The following MYLK3 variants were observed in gnomAD, a reference collection of about 807,000 sequenced individuals.
MYLK3 encodes the protein myosin light chain kinase 3, also known as MLC kinase.
In MYLK3, 55 loss-of-function variants were observed where a neutral mutation model predicts 76.3. That is an observed-to-expected ratio of 0.72 (90% CI 0.58 to 0.90). The LOEUF (loss-of-function observed/expected upper bound fraction) is 0.90, where lower values mean the gene tolerates loss of function less well. MYLK3 is among the 40% of genes least tolerant of loss of function. The probability of loss-of-function intolerance (pLI) is 0.00; values close to 1 mark genes in which losing one functional copy is unlikely to be tolerated. For missense variants in MYLK3, 973 were observed against 1,053.6 expected (o/e 0.92, Z 1.06); for synonymous variants, 416 against 425.4 (o/e 0.98, Z 0.27).
chr16:46,734,366 C>T (rs752749202), intron 3 of MYLK3, among the ~76,000 whole-genome samples: 3 of 152,080 alleles, frequency 2.0e-5, no homozygotes, highest in African/African-American at 4.8e-5. Flanking sequence ...GTAATCCCAG[C>T]GCTTTGGGAG....
intron 1 of MYLK3, among the ~76,000 whole-genome samples, chr16:46,742,635 C>T (rs1966952544): frequency 1.3e-5 from 2 of 152,176 alleles, no homozygotes; most frequent in Admixed American, 6.5e-5. Context: ...TACATCATGC[C>T]CCTCCTCTCA....
At chr16:46,752,582 G>T (rs1220175047), upstream of MYLK3, among the ~76,000 whole-genome samples, 1 of 152,004 alleles carries the variant, frequency 6.6e-6, no homozygotes, top group Non-Finnish European at 1.5e-5. Flanking sequence ...AACTTTCCAG[G>T]CTTTATTAAC....
chr16:46,743,503 T>C (rs1298843547), intron 1 of MYLK3, among the ~76,000 whole-genome samples: 1 of 152,166 alleles, frequency 6.6e-6, no homozygotes, highest in African/African-American at 2.4e-5. Flanking sequence ...AGGCTTCCTG[T>C]CAATGGGCCA....
At chr16:46,749,610 G>A (rs547210223), upstream of MYLK3, among the ~76,000 whole-genome samples, 10 of 152,188 alleles carry the variant, frequency 6.6e-5, no homozygotes, top group South Asian at 2.1e-4. Flanking sequence ...TAAGCCAGGC[G>A]TGGTGGCACG....
chr16:46,748,251 G>T lies in MYLK3; in HGVS notation c.-58C>A. ...GAATGAGGAGAGGCACAGACCCCTG[G>T]TTCTCACTCAGGCGGTGGTGTCTGC... On this transcript the variant is annotated 5_prime_UTR_variant, in exon 1 of 13. Coordinates refer to ENST00000394809, the MANE Select transcript of MYLK3 (RefSeq NM_182493.3). This position sits in a 1 kb window ranked among gnomAD's most constrained non-coding sequence, Gnocchi z 4.3. The T allele has an allele frequency of 6.5e-7, 1 of 1,549,538 alleles. No individual in the cohort carries two copies.
intron 9 of MYLK3, among the ~76,000 whole-genome samples, chr16:46,719,491 G>A (rs1966777955): frequency 6.6e-6 from 1 of 152,186 alleles, no homozygotes; most frequent in African/African-American, 2.4e-5. Flanking sequence ...CCAAGGGTCT[G>A]CTACTACCAC....
upstream of MYLK3, among the ~76,000 whole-genome samples, chr16:46,748,696 GA>G (rs1967073197): frequency 6.6e-6 from 1 of 152,198 alleles, no homozygotes; most frequent in Non-Finnish European, 1.5e-5. The surrounding 1 kb of genome is among the most constrained non-coding windows in gnomAD (Gnocchi z 4.3). Context: ...TAAAAAGCAA[GA>G]CCAAGACAGA....
chr16:46,726,173 T>A (rs753321778), intron 8 of MYLK3: 1 of 152,228 alleles, frequency 6.6e-6, no homozygotes, highest in Non-Finnish European at 1.5e-5. Context: ...TTATGTTCCA[T>A]TGGTCTATGT....
intron 1 of MYLK3, among the ~76,000 whole-genome samples, chr16:46,758,266 C>A (rs541719669): frequency 3.0e-4 from 38 of 126,948 alleles, no homozygotes; most frequent in Non-Finnish European, 4.4e-4. Flanking sequence ...CTCTCTCTCT[C>A]CACACACACA....
chr16:46,761,555 G>A (rs952315698), intron 1 of MYLK3, among the ~76,000 whole-genome samples: 3 of 152,252 alleles, frequency 2.0e-5, no homozygotes, highest in Admixed American at 6.5e-5. Flanking sequence ...AGTGGCTCAC[G>A]CCTGTAATCC....
chr16:46,739,623 G>A (rs1966897767), intron 2 of MYLK3, among the ~76,000 whole-genome samples: 1 of 151,764 alleles, frequency 6.6e-6, no homozygotes, highest in African/African-American at 2.4e-5. Flanking sequence ...AATGAATAGG[G>A]AATATATTTT....
In MYLK3 at chr16:46,743,524, G is replaced by A. The variant is rs372729814; in HGVS notation, c.478-3377C>T. On this transcript the variant is annotated intron_variant, in intron 1 of 12. Coordinates refer to ENST00000394809, the MANE Select transcript of MYLK3 (RefSeq NM_182493.3). The stretch of plus-strand genomic sequence containing the variant: ...CCTGTCAATGGGCCAATCAGCAGCC[G>A]ACAGCCTGATGGGGAGCCTGGACCA... Among the ~76,000 whole-genome samples, 15 of 152,296 alleles carry A rather than the reference G, an allele frequency of 9.8e-5. No individual in the cohort carries two copies. The South Asian group carries it at 2.3e-3, about 23-fold the overall frequency.
In MYLK3 at chr16:46,748,082, GGTCCACCTTCTC is replaced by G; in HGVS notation, c.100_111del (p.Glu34_Asp37del). The stretch of plus-strand genomic sequence containing the variant: ...ACATCTTCTTGGAAGTGCAGGAGCT[GGTCCACCTTCTC>G]GTTCAGCATGTTCAGCTTTGTGTCC... On this transcript the variant is annotated inframe_deletion, in exon 1 of 13. Transcript: ENST00000394809. The surrounding 1 kb of genome is among the most constrained non-coding windows in gnomAD (Gnocchi z 4.3). 2 of 1,614,246 alleles carry G rather than the reference GGTCCACCTTCTC, an allele frequency of 1.2e-6. No homozygotes were observed. Among genetic ancestry groups the G allele is most frequent in the Non-Finnish European group, 1.7e-6 (2 of 1,180,050 alleles).
intron 8 of MYLK3, 107 bp from the exon 9 acceptor site, chr16:46,721,300 G>A: frequency 1.0e-6 from 1 of 965,232 alleles, no homozygotes; most frequent in Non-Finnish European, 1.6e-6. Flanking sequence ...GACATGAATG[G>A]CTCAGGGCAG....
chr16:46,726,763 G>A (rs1362332521), intron 8 of MYLK3: 1 of 139,690 alleles, frequency 7.2e-6, no homozygotes, highest in African/African-American at 2.6e-5. Flanking sequence ...AGAAAGAAAA[G>A]AAAGAGAGAG....
chr16:46,740,712 C>T (rs937192369), intron 1 of MYLK3, among the ~76,000 whole-genome samples: 2 of 151,588 alleles, frequency 1.3e-5, no homozygotes, highest in Admixed American at 6.6e-5. Context: ...CCAACATGCC[C>T]GGCTAATTTT....
intron 8 of MYLK3, chr16:46,726,677 GAAAGAA>G (rs1399934871): frequency 1.7e-5 from 1 of 59,426 alleles, no homozygotes; most frequent in African/African-American, 6.6e-5. Flanking sequence ...GAAAGAAAGA[GAAAGAA>G]AGAAAGAAAG....
At chr16:46,710,560 G>A (rs893487992) in intron 11 of MYLK3, 77 bp downstream of exon 11, 6 of 1,521,234 alleles carry the variant, frequency 3.9e-6, no homozygotes, top group South Asian at 2.4e-5. Context: ...GGACCTTCAC[G>A]GTCAGCAGTC....
At chr16:46,762,996 C>T (rs983463689) in intron 1 of MYLK3, 10 of 982,192 alleles carry the variant, frequency 1.0e-5, no homozygotes, top group Non-Finnish European at 1.2e-5. Flanking sequence ...GCTGAAAACA[C>T]CCCCCCACAC....
Sources: gnomAD v4.1 joint callset for allele counts (sites outside exome capture counted in the v4.1 genomes callset) on GRCh38, gnomAD v4.1.1 for gene constraint, Gnocchi (gnomAD v3.1) non-coding constraint, MANE v1.5 for transcripts, NCBI Gene and HGNC (gene_info 2026-07-23, HGNC 2026-07-21) for gene names.